The following PTPN13 variants were observed in gnomAD, a reference collection of about 807,000 sequenced individuals.
PTPN13 encodes protein tyrosine phosphatase non-receptor type 13.
Under a neutral mutation model 284.0 loss-of-function variants are expected in PTPN13, and 191 were observed. That is an observed-to-expected ratio of 0.67 (90% CI 0.60 to 0.76). PTPN13 has a LOEUF of 0.76. Among genes scored for constraint, PTPN13 ranks in the 30% least tolerant of loss-of-function variants. The pLI is 0.00. For synonymous variants in PTPN13, 986 were observed against 1,022.3 expected (o/e 0.96, Z 0.68); for missense variants, 2,797 against 2,939.9 (o/e 0.95, Z 1.12).
At chr4:86,740,114 G>A (rs1013761482) in intron 15 of PTPN13, among the ~76,000 whole-genome samples, 6 of 152,148 alleles carry the variant, frequency 3.9e-5, no homozygotes, top group East Asian at 3.9e-4. Flanking sequence ...GCAAGCTGTC[G>A]TTGGATCTAC....
At chr4:86,659,136 C>A in intron 2 of PTPN13, among the ~76,000 whole-genome samples, 1 of 152,048 alleles carries the variant, frequency 6.6e-6, no homozygotes, top group South Asian at 2.1e-4. Context: ...TCATAAACAT[C>A]ATATATAATT....
At chr4:86,678,505 TG>T (rs1728535188) in intron 3 of PTPN13, among the ~76,000 whole-genome samples, 1 of 152,222 alleles carries the variant, frequency 6.6e-6, no homozygotes, top group African/African-American at 2.4e-5. Flanking sequence ...AGATCCCAAA[TG>T]TATATATCTC....
At chr4:86,712,495 A>G (rs1401379031) in intron 7 of PTPN13, among the ~76,000 whole-genome samples, 2 of 152,094 alleles carry the variant, frequency 1.3e-5, no homozygotes, top group East Asian at 1.9e-4. Context: ...TTTATTATTC[A>G]TAAATTTTCC....
intron 9 of PTPN13, among the ~76,000 whole-genome samples, chr4:86,717,446 C>T (rs768777198): frequency 8.5e-5 from 13 of 152,128 alleles, no homozygotes; most frequent in Non-Finnish European, 1.9e-4. Context: ...GCCTCAGCCT[C>T]CCAAAGTCCT....
chr4:86,691,953 A>G (rs1730073631), intron 5 of PTPN13, among the ~76,000 whole-genome samples: 1 of 152,204 alleles, frequency 6.6e-6, no homozygotes, highest in Non-Finnish European at 1.5e-5. Flanking sequence ...TATTTGGACC[A>G]CAATTTTACT....
chr4:86,745,644 C>T (rs1399687330), intron 17 of PTPN13, among the ~76,000 whole-genome samples: 1 of 151,986 alleles, frequency 6.6e-6, no homozygotes, highest in East Asian at 1.9e-4. Flanking sequence ...GGCGTGTTGC[C>T]GGGCACCTGT....
At chr4:86,618,983 G>T (rs1034619606) in intron 1 of PTPN13, among the ~76,000 whole-genome samples, 3 of 152,184 alleles carry the variant, frequency 2.0e-5, no homozygotes, top group Non-Finnish European at 2.9e-5. Context: ...GGAGTGGTGA[G>T]AGAGTGCATC....
At chr4:86,779,310 G>T (rs190860650) in intron 35 of PTPN13, among the ~76,000 whole-genome samples, 3 of 151,896 alleles carry the variant, frequency 2.0e-5, no homozygotes, top group Non-Finnish European at 4.4e-5. Context: ...CCAGCTACTC[G>T]GGAGGCTAAG....
At chr4:86,798,916 T>G (rs1010109244) in intron 41 of PTPN13, among the ~76,000 whole-genome samples, 185 bp from the exon 42 acceptor site, 18 of 152,226 alleles carry the variant, frequency 1.2e-4, no homozygotes, top group Non-Finnish European at 8.8e-5. Flanking sequence ...ATTTTAAAAC[T>G]GTATTAAACC....
chr4:86,801,453 G>A (rs1744023722), intron 42 of PTPN13, among the ~76,000 whole-genome samples: 1 of 152,132 alleles, frequency 6.6e-6, no homozygotes, highest in South Asian at 2.1e-4. Context: ...TGAGGGGGCA[G>A]GTAAAAGTTT....
chr4:86,735,492 G>T (rs1222019226), intron 14 of PTPN13, 102 bp from the exon 15 acceptor site: 1 of 1,209,078 alleles, frequency 8.3e-7, no homozygotes, highest in African/African-American at 1.5e-5. Flanking sequence ...AGAAATAGAA[G>T]TACTTCATCT....
chr4:86,651,214 A>G (rs570126834), intron 2 of PTPN13, among the ~76,000 whole-genome samples: 1 of 152,318 alleles, frequency 6.6e-6, no homozygotes, highest in African/African-American at 2.4e-5. Flanking sequence ...GATATCTACC[A>G]TTGATTGATT....
At chr4:86,755,397 A>G (rs1737860357) in intron 20 of PTPN13, among the ~76,000 whole-genome samples, 1 of 143,652 alleles carries the variant, frequency 7.0e-6, no homozygotes, top group African/African-American at 2.6e-5. Flanking sequence ...TTGTAAGAGT[A>G]AAAACAAAAA....
At chr4:86,713,052 C>T (rs1732615455) in intron 7 of PTPN13, among the ~76,000 whole-genome samples, 1 of 152,056 alleles carries the variant, frequency 6.6e-6, no homozygotes, top group Non-Finnish European at 1.5e-5. Context: ...TCATTTATTA[C>T]TTAATATGGG....
At chr4:86,807,469 T>C in intron 44 of PTPN13, 91 bp from the exon 45 acceptor site, 1 of 960,030 alleles carries the variant, frequency 1.0e-6, no homozygotes, top group South Asian at 1.7e-5. Context: ...ACTATGAGAA[T>C]TTCTCATGAT....
At chr4:86,597,159 G>A (rs1212476713) in intron 1 of PTPN13, among the ~76,000 whole-genome samples, 1 of 148,148 alleles carries the variant, frequency 6.8e-6, no homozygotes, top group Admixed American at 6.8e-5. Context: ...CTTTTGGGCT[G>A]GGCTTCCTTT....
intron 3 of PTPN13, among the ~76,000 whole-genome samples, chr4:86,672,938 G>A (rs1727873395): frequency 6.6e-6 from 1 of 152,156 alleles, no homozygotes; most frequent in South Asian, 2.1e-4. Flanking sequence ...CCAAGGATGG[G>A]GTGGTGGGGG....
rs190130326 is a variant in PTPN13 at position 86,708,850 on chromosome 4, T to C, written c.1195+7049T>C. 1.3e-4 allele frequency among the ~76,000 whole-genome samples: 20 copies of C among 151,960 alleles called. No homozygotes were observed. In the East Asian group the frequency reaches 3.7e-3, roughly 28 times the overall value. ...GCTCCTTGGATCATCATACTTAAGG[T>C]TCCCCATGATTATATCTCTCCTCTC... is the stretch of plus-strand genomic sequence containing the variant. On this transcript the variant is annotated intron_variant, in intron 7 of 47. Transcript: ENST00000411767.
rs994929169 is a variant in PTPN13, at chr4:86,781,961, A to G, written c.5963-240A>G. ...CTGGCAACAGAGCATGACTCTGTCG[A>G]AAAAAAAAAAAAAGAAAAAGAAATT... On this transcript the variant is annotated intron_variant, in intron 36 of 47. Coordinates refer to ENST00000411767, the MANE Select transcript of PTPN13 (RefSeq NM_080683.3). Among the ~76,000 whole-genome samples the G allele has an allele frequency of 6.4e-5, 9 of 139,554 alleles. No homozygotes were observed. The East Asian group carries it at 1.4e-3, about 22-fold the overall frequency. The allele number at this position is 139,554 out of a possible 152,430, so 91.6% of individuals were successfully genotyped here.
Sources: allele counts gnomAD v4.1 joint callset (sites outside exome capture counted in the v4.1 genomes callset), GRCh38; gene constraint gnomAD v4.1.1; transcripts MANE v1.5; gene names NCBI Gene and HGNC (gene_info 2026-07-23, HGNC 2026-07-21).